Variants in TMEM165 observed in about 807,000 individuals in gnomAD.
The protein encoded by TMEM165 is transmembrane protein 165.
Under a neutral mutation model 30.0 loss-of-function variants are expected in TMEM165, and 19 were observed. The ratio of observed to expected loss-of-function variants is 0.63; its 90% confidence interval spans 0.44 to 0.93. TMEM165 has a LOEUF of 0.93. Among genes scored for constraint, TMEM165 ranks in the 40% least tolerant of loss-of-function variants. The pLI is 0.00. For synonymous variants in TMEM165, 168 were observed against 162.9 expected (o/e 1.03, Z -0.24); for missense variants, 340 against 417.0 (o/e 0.82, Z 1.61).
At chr4:55,450,091 A>T (rs1244192552) in intron 3 of TMEM165, 1 of 1,614,156 alleles carries the variant, frequency 6.2e-7, no homozygotes, top group Non-Finnish European at 8.5e-7. Flanking sequence ...GGGTACTCAC[A>T]GGAAGGGTCT....
At chr4:55,398,217 A>C (rs1720813169) in intron 1 of TMEM165, among the ~76,000 whole-genome samples, 2 of 152,230 alleles carry the variant, frequency 1.3e-5, no homozygotes, top group African/African-American at 2.4e-5. Context: ...GAAATAATGA[A>C]GTTCCCCTTA....
intron 1 of TMEM165, among the ~76,000 whole-genome samples, 171 bp from the exon 2 acceptor site, chr4:55,411,443 A>G (rs1721491118): frequency 6.6e-6 from 1 of 152,220 alleles, no homozygotes; most frequent in African/African-American, 2.4e-5. Context: ...AAATTGTAGC[A>G]ACCATCGTCA....
intron 3 of TMEM165, chr4:55,434,809 CAGCATACAAAATGTTTTGCT>C (rs1722753295): frequency 6.4e-6 from 1 of 156,938 alleles, no homozygotes; most frequent in African/African-American, 2.4e-5. Flanking sequence ...CGCTTTCATG[CAGCATACAAAATGTTTTGCT>C]TTCTCTCCTT....
intron 1 of TMEM165, among the ~76,000 whole-genome samples, chr4:55,403,754 A>G (rs1379855204): frequency 1.3e-5 from 2 of 152,170 alleles, no homozygotes; most frequent in Non-Finnish European, 2.9e-5. Flanking sequence ...TGCACACTGC[A>G]TCTAATCCTG....
chr4:55,418,210 C>G (rs1342736281), intron 4 of TMEM165: 1 of 417,142 alleles, frequency 2.4e-6, no homozygotes, highest in Non-Finnish European at 4.2e-6. Context: ...TTTACTCATC[C>G]TTTTCCCTTT....
In TMEM165 at chr4:55,450,547, C is replaced by T. The variant is rs913117917; in HGVS notation, c.409-1692C>T. 2.0e-5 allele frequency among the ~76,000 whole-genome samples: 3 copies of T among 152,132 alleles called. No individual in the cohort carries two copies. In the East Asian group the frequency reaches 5.8e-4, roughly 29 times the overall value. ...CTTTGGGAAGCTGAAGCAGGCAGATCACCTGAGGTCAGGAGTTTGAGACCA... is the reference window on the plus strand; with the variant it reads ...CTTTGGGAAGCTGAAGCAGGCAGATTACCTGAGGTCAGGAGTTTGAGACCA... On this transcript the variant is annotated intron_variant, in intron 3 of 3. Transcript: ENST00000608091.
chr4:55,438,102 T>C (rs941449240), intron 3 of TMEM165, among the ~76,000 whole-genome samples: 1 of 152,198 alleles, frequency 6.6e-6, no homozygotes, highest in Admixed American at 6.5e-5. Context: ...TTCCAACGAC[T>C]GAGCAAGGGA....
chr4:55,436,078 T>G (rs767236947), intron 3 of TMEM165, among the ~76,000 whole-genome samples: 28 of 152,186 alleles, frequency 1.8e-4, no homozygotes, highest in Non-Finnish European at 2.4e-4. Context: ...TGGGCTGCCC[T>G]ACTTACCACA....
chr4:55,409,538 G>A (rs970662088), intron 1 of TMEM165, among the ~76,000 whole-genome samples: 3 of 152,132 alleles, frequency 2.0e-5, no homozygotes, highest in African/African-American at 7.2e-5. Context: ...TTGACATTTT[G>A]GATATATAAT....
chr4:55,400,284 T>TTATATATA (rs1720919119), intron 1 of TMEM165, among the ~76,000 whole-genome samples: 3 of 103,164 alleles, frequency 2.9e-5, no homozygotes, highest in African/African-American at 1.3e-4. Context: ...TATAATATTA[T>TTATATATA]ATATTATATA....
intron 3 of TMEM165, chr4:55,432,518 T>G (rs1488951311): frequency 6.8e-6 from 1 of 146,546 alleles, no homozygotes; most frequent in Non-Finnish European, 1.5e-5. Flanking sequence ...TTCTATTTGG[T>G]ATCTTTAAAT....
At chr4:55,400,396 T>A (rs1394727039) in intron 1 of TMEM165, among the ~76,000 whole-genome samples, 2 of 125,510 alleles carry the variant, frequency 1.6e-5, no homozygotes, top group East Asian at 4.4e-4. Context: ...ATAAATAATA[T>A]TAATATAATT....
chr4:55,420,106 A>AAAAAAAAAAAAAAAT (rs1474254120), intron 4 of TMEM165, among the ~76,000 whole-genome samples: 4 of 45,436 alleles, frequency 8.8e-5, no homozygotes, highest in Non-Finnish European at 1.2e-4. Context: ...AAGAAAAAAA[A>AAAAAAAAAAAAAAAT]ATATATATAT....
chr4:55,420,133 ATTTATTTATTTATTT>A (rs1177365679), intron 4 of TMEM165, among the ~76,000 whole-genome samples: 71 of 54,724 alleles, frequency 1.3e-3, no homozygotes, highest in East Asian at 4.9e-3. Flanking sequence ...ATATATATTT[ATTTATTTATTTATTT>A]TATTTATTTA....
At chr4:55,438,474 G>A (rs773225666) in intron 3 of TMEM165, 1 of 1,613,814 alleles carries the variant, frequency 6.2e-7, no homozygotes. Flanking sequence ...TAGGTACCAT[G>A]ACTGCCCCAC....
downstream of TMEM165, among the ~76,000 whole-genome samples, chr4:55,426,491 C>A (rs1578247375): frequency 6.6e-6 from 1 of 152,302 alleles, no homozygotes; most frequent in East Asian, 1.9e-4. Flanking sequence ...AGTCGTCACC[C>A]TCGTTTGAGT....
At chr4:55,403,780 ATTC>A (rs1156600574) in intron 1 of TMEM165, among the ~76,000 whole-genome samples, 1 of 152,112 alleles carries the variant, frequency 6.6e-6, no homozygotes, top group Non-Finnish European at 1.5e-5. Context: ...ATCCAAGTAT[ATTC>A]TTCTGTGCCT....
downstream of TMEM165, chr4:55,429,645 C>G (rs900953919): frequency 1.3e-5 from 2 of 152,166 alleles, no homozygotes; most frequent in Non-Finnish European, 2.9e-5. Context: ...ATTTCTTTTA[C>G]TAACATTTCC....
intron 1 of TMEM165, among the ~76,000 whole-genome samples, chr4:55,398,026 G>A (rs532602911): frequency 1.1e-4 from 16 of 152,228 alleles, no homozygotes; most frequent in African/African-American, 3.6e-4. Context: ...CTCTCACACC[G>A]GTGCATTGTT....
Sources: gnomAD v4.1 joint callset for allele counts (sites outside exome capture counted in the v4.1 genomes callset) on GRCh38, gnomAD v4.1.1 for gene constraint, MANE v1.5 for transcripts, NCBI Gene and HGNC (gene_info 2026-07-23, HGNC 2026-07-21) for gene names.